The following ARSG variants were observed in gnomAD, a reference collection of about 807,000 sequenced individuals.
ARSG encodes ASG.
Under a neutral mutation model 50.5 loss-of-function variants are expected in ARSG, and 37 were observed. The ratio of observed to expected loss-of-function variants is 0.73; its 90% CI spans 0.56 to 0.96. ARSG has a LOEUF of 0.96. Ranked by LOEUF, ARSG falls within the 50% of genes least tolerant of loss-of-function variation. ARSG has a pLI of 0.00. For missense variants in ARSG, 629 were observed against 675.3 expected, an observed-to-expected ratio of 0.93 and a Z score of 0.76; for synonymous variants, 225 against 254.6, an observed-to-expected ratio of 0.88 and a Z score of 1.11.
chr17:68,391,869 T>C (rs2081009213), intron 9 of ARSG, among the ~76,000 whole-genome samples: 1 of 152,164 alleles, frequency 6.6e-6, no homozygotes, highest in African/African-American at 2.4e-5. Flanking sequence ...CCATGGACTG[T>C]GGGAGCCAAA....
intron 11 of ARSG, among the ~76,000 whole-genome samples, chr17:68,412,565 A>G (rs2082070414): frequency 6.6e-6 from 1 of 151,890 alleles, no homozygotes; most frequent in African/African-American, 2.4e-5. Flanking sequence ...TTTTTCCTTC[A>G]TTTCAACTTT....
At chr17:68,355,432 C>G (rs1029454774) in intron 5 of ARSG, among the ~76,000 whole-genome samples, 1 of 152,340 alleles carries the variant, frequency 6.6e-6, no homozygotes. Flanking sequence ...AATCTCAGCT[C>G]ACTGCAACCT....
intron 8 of ARSG, among the ~76,000 whole-genome samples, chr17:68,371,316 C>CAA (rs35873473): frequency 0.086 from 7,341 of 85,626 alleles, 430 homozygotes; most frequent in East Asian, 0.16. Context: ...GACTCCGTCT[C>CAA]AAAAAAAAAA....
At chr17:68,427,562 G>A (rs1340240961), downstream of ARSG, 9 of 207,384 alleles carry the variant, frequency 4.3e-5, no homozygotes, top group Non-Finnish European at 8.9e-5. Flanking sequence ...TCACCATGTT[G>A]GCCAGGCTGG....
At chr17:68,358,461 G>A (rs997122936) in intron 6 of ARSG, among the ~76,000 whole-genome samples, 2 of 152,026 alleles carry the variant, frequency 1.3e-5, no homozygotes, top group African/African-American at 4.8e-5. Flanking sequence ...GGCCAAGGCA[G>A]GCAGATCACC....
downstream of ARSG, chr17:68,422,548 TG>T (rs1336560690): frequency 6.6e-6 from 1 of 151,804 alleles, no homozygotes; most frequent in African/African-American, 2.4e-5. Flanking sequence ...CTGGCCAACA[TG>T]GTGAAATCCT....
intron 8 of ARSG, 73 bp from the exon 9 acceptor site, chr17:68,384,991 G>C: frequency 1.6e-6 from 2 of 1,281,742 alleles, no homozygotes; most frequent in South Asian, 1.2e-5. Context: ...TTCTCCCAGA[G>C]ACTAGCTCTT....
the ARSG span, chr17:68,435,581 G>A: frequency 6.2e-6 from 10 of 1,600,316 alleles, no homozygotes; most frequent in Middle Eastern, 1.8e-4. Context: ...GAGCCATCCA[G>A]CGAAACCCAG....
intron 1 of ARSG, among the ~76,000 whole-genome samples, chr17:68,298,045 G>C (rs545029858): frequency 6.8e-6 from 1 of 148,070 alleles, no homozygotes; most frequent in African/African-American, 2.5e-5. Flanking sequence ...AGGAAACTGA[G>C]ACACAAAGAG....
At chr17:68,319,119 G>A (rs1490999649) in intron 2 of ARSG, among the ~76,000 whole-genome samples, 4 of 152,162 alleles carry the variant, frequency 2.6e-5, no homozygotes, top group Non-Finnish European at 5.9e-5. Flanking sequence ...AGAAAGGACA[G>A]TCTAAACAAG....
At chr17:68,445,654 G>A in the ARSG span, among the ~76,000 whole-genome samples, 1 of 152,332 alleles carries the variant, frequency 6.6e-6, no homozygotes, top group South Asian at 2.1e-4. Flanking sequence ...CCCAATGGCT[G>A]TGCTCTCAGC....
At position 68,271,661 on chromosome 17, in the gene ARSG, T is replaced by C. The variant is rs782478993; in HGVS notation, c.-552+12235T>C. On this transcript the variant is annotated intron_variant, in intron 1 of 11. Coordinates refer to the ARSG transcript ENST00000448504. This position sits in a 1 kb window ranked among gnomAD's most constrained non-coding sequence, Gnocchi z 5.3. ...TCCTTCAGAGCCATGATTGCTTGAA[T>C]AGGCAGGAGTGAAGAAGAAATAATA... 3 of 1,606,150 alleles carry C rather than the reference T, an allele frequency of 1.9e-6. No homozygotes were observed. Among genetic ancestry groups the C allele is most frequent in the South Asian group, 2.2e-5 (2 of 90,852 alleles).
the ARSG span, among the ~76,000 whole-genome samples, chr17:68,443,403 G>A: frequency 6.6e-6 from 1 of 152,094 alleles, no homozygotes; most frequent in East Asian, 1.9e-4. Flanking sequence ...GTGAGCCACC[G>A]CACCCGGCTA....
chr17:68,389,581 G>A (rs1475626766), intron 9 of ARSG, among the ~76,000 whole-genome samples: 1 of 151,982 alleles, frequency 6.6e-6, no homozygotes, highest in Non-Finnish European at 1.5e-5. Flanking sequence ...CTGCTCCCAC[G>A]GCCTAGGGAT....
intron 4 of ARSG, among the ~76,000 whole-genome samples, chr17:68,347,596 C>T (rs1277201061): frequency 6.6e-6 from 1 of 152,212 alleles, no homozygotes; most frequent in African/African-American, 2.4e-5. Context: ...CTTCCTGCAG[C>T]CTTTGCTTCC....
intron 8 of ARSG, among the ~76,000 whole-genome samples, chr17:68,372,702 C>T (rs991752443): frequency 6.6e-6 from 1 of 152,082 alleles, no homozygotes. Flanking sequence ...CAGAGCCAAA[C>T]CGTATCAGGC....
intron 2 of ARSG, among the ~76,000 whole-genome samples, chr17:68,328,845 T>G (rs542645143): frequency 1.1e-4 from 16 of 151,018 alleles, no homozygotes; most frequent in African/African-American, 4.0e-4. Flanking sequence ...CCCACCAGAC[T>G]GGAAGAAACA....
chr17:68,360,526 C>T (rs777063426), intron 6 of ARSG, among the ~76,000 whole-genome samples: 4 of 152,214 alleles, frequency 2.6e-5, no homozygotes, highest in African/African-American at 7.2e-5. Context: ...AGACCCTCGA[C>T]GTAGTACTTG....
the ARSG span, chr17:68,433,325 C>T: frequency 0.049 from 38,792 of 784,906 alleles, 1,191 homozygotes; most frequent in Middle Eastern, 0.1. Flanking sequence ...GTTTTGCTAA[C>T]ACACACTCCA....
Sources: allele counts gnomAD v4.1 joint callset (sites outside exome capture counted in the v4.1 genomes callset), GRCh38; gene constraint gnomAD v4.1.1; non-coding constraint Gnocchi (gnomAD v3.1); transcripts MANE v1.5; gene names NCBI Gene and HGNC (gene_info 2026-07-23, HGNC 2026-07-21).